Variants in ARHGAP35 observed in about 807,000 individuals in gnomAD.
ARHGAP35 encodes rho GTPase-activating protein 35.
In ARHGAP35, 15 loss-of-function variants were observed where a neutral mutation model predicts 111.1. That is an observed-to-expected ratio of 0.13 (90% confidence interval 0.09 to 0.21). The LOEUF is 0.21. ARHGAP35 is among the 10% of genes least tolerant of loss of function. ARHGAP35 has a pLI of 1.00. For missense variants in ARHGAP35, 1,262 were observed against 1,873.0 expected (o/e 0.67, Z 6.02); for synonymous variants, 643 against 710.3 (o/e 0.91, Z 1.51).
At chr19:46,975,910 A>G (rs2056577193) in intron 3 of ARHGAP35, among the ~76,000 whole-genome samples, 2 of 152,192 alleles carry the variant, frequency 1.3e-5, no homozygotes, top group Admixed American at 6.5e-5. Context: ...GCCTAGATCT[A>G]TGTAATTCTG....
intron 3 of ARHGAP35, among the ~76,000 whole-genome samples, chr19:46,966,182 A>G (rs1298426750): frequency 1.3e-5 from 2 of 152,178 alleles, no homozygotes; most frequent in East Asian, 1.9e-4. Context: ...CAAAATATTT[A>G]TACGATTTTT....
At position 47,000,434 on chromosome 19, in the gene ARHGAP35, A is replaced by T. The variant is rs2056739837; in HGVS notation, c.4246A>T (p.Thr1416Ser). 1 of 1,613,768 alleles carries T rather than the reference A, an allele frequency of 6.2e-7. No individual in the cohort carries two copies. The highest frequency in any genetic ancestry group is 8.5e-7 in the Non-Finnish European group (1 of 1,179,832). ...TGATTTCAGCACTATGGACGCCCTC[A>T]CAGCCACGCGCACCTACCAGACAAT... ...RPDFSTMDAL[T>S]ATRTYQTIIE... The change falls in exon 7 of 7, where the codon ACA (threonine) becomes TCA (serine). Residue 1416 changes from threonine to serine, a missense_variant. This residue lies in a region of ARHGAP35 where 23 missense variants were observed against 63.9 expected (regional missense o/e 0.36). Transcript: ENST00000672722. This position sits in a 1 kb window ranked among gnomAD's most constrained non-coding sequence, Gnocchi z 6.9.
In ARHGAP35 at chr19:46,919,809, G is replaced by A. The variant is rs958520837; in HGVS notation, c.1134G>A (p.Lys378=). 2 of 1,613,934 alleles carry A rather than the reference G, an allele frequency of 1.2e-6. No homozygotes were observed. The highest frequency in any genetic ancestry group is 2.7e-5 in the African/African-American group (2 of 74,940). Residue 378 remains lysine (K), a synonymous_variant, in exon 2 of 7, where the codon AAG becomes AAA. Transcript: ENST00000672722. This position sits in a 1 kb window ranked among gnomAD's most constrained non-coding sequence, Gnocchi z 6.2. ...TAGAAACCAAGCCAGAATTCTTGAA[G>A]TGGTTTGTTGTGCTTGAAGAGACCC... is the stretch of plus-strand genomic sequence containing the variant. ...KLLETKPEFL[K]WFVVLEETPW...
intron 3 of ARHGAP35, among the ~76,000 whole-genome samples, chr19:46,950,742 T>A (rs1205243001): frequency 1.3e-5 from 2 of 152,142 alleles, no homozygotes; most frequent in African/African-American, 4.8e-5. Flanking sequence ...TCGCTGTGGC[T>A]CTCTCTGTGG....
chr19:46,868,142 A>G (rs1244587817), intron 1 of ARHGAP35, among the ~76,000 whole-genome samples: 1 of 152,220 alleles, frequency 6.6e-6, no homozygotes, highest in East Asian at 1.9e-4. Context: ...TGCTGGGATT[A>G]CAGGTGTGAG....
intron 3 of ARHGAP35, among the ~76,000 whole-genome samples, chr19:46,939,293 A>G (rs1459099868): frequency 6.6e-6 from 1 of 150,604 alleles, no homozygotes; most frequent in Admixed American, 6.6e-5. Context: ...CATCTTTTTG[A>G]CACTCGTTTT....
intron 1 of ARHGAP35, among the ~76,000 whole-genome samples, chr19:46,877,980 T>C (rs1366202438): frequency 6.6e-6 from 1 of 152,112 alleles, no homozygotes; most frequent in Non-Finnish European, 1.5e-5. Flanking sequence ...AGTACTGGAA[T>C]TACAGGCATT....
At chr19:46,930,070 AC>A (rs1568470830) in intron 2 of ARHGAP35, among the ~76,000 whole-genome samples, 1 of 151,470 alleles carries the variant, frequency 6.6e-6, no homozygotes, top group Non-Finnish European at 1.5e-5. Context: ...GCTGGTGTTA[AC>A]TGTTTTTTAA....
intron 1 of ARHGAP35, among the ~76,000 whole-genome samples, chr19:46,896,044 G>T (rs2056054164): frequency 1.3e-5 from 2 of 152,092 alleles, no homozygotes; most frequent in African/African-American, 2.4e-5. Flanking sequence ...AGAGGTTTCA[G>T]TGAGCCAAGA....
chr19:46,899,166 G>A (rs2056071882), intron 1 of ARHGAP35, among the ~76,000 whole-genome samples: 1 of 152,150 alleles, frequency 6.6e-6, no homozygotes, highest in Non-Finnish European at 1.5e-5. Context: ...ACGGAGATGG[G>A]CAGAGAAGGC....
chr19:46,986,821 T>TTTTA lies in ARHGAP35; in HGVS notation c.3827-1148_3827-1145dup, dbSNP rs796813658. Among the ~76,000 whole-genome samples the TTTTA allele has an allele frequency of 7.2e-5, 11 of 152,204 alleles. No homozygotes were observed. The highest frequency in any genetic ancestry group is 1.2e-4 in the African/African-American group (5 of 41,446). On this transcript the variant is annotated intron_variant, in intron 3 of 6. Transcript: ENST00000672722. The surrounding 1 kb of genome is among the most constrained non-coding windows in gnomAD (Gnocchi z 4.3). The stretch of plus-strand genomic sequence containing the variant: ...TCAAAAAAACATACTTGTGAGTTAA[T>TTTTA]TTTATTTATTTATTTATTTATTTTC...
chr19:46,994,588 G>A lies in ARHGAP35; in HGVS notation c.4037-4716G>A, dbSNP rs541509269. On this transcript the variant is annotated intron_variant, in intron 5 of 6. Coordinates refer to ENST00000672722, the MANE Select transcript of ARHGAP35 (RefSeq NM_004491.5). This position sits in a 1 kb window ranked among gnomAD's most constrained non-coding sequence, Gnocchi z 5.4. ...CAGCCAGAGGCGCCGTGAACTCGCC[G>A]GGGATGAGGATGGTGGTCAGGAGGG... Among the ~76,000 whole-genome samples, 11 of 152,258 alleles carry A rather than the reference G, an allele frequency of 7.2e-5. No individual in the cohort carries two copies. In the South Asian group the frequency reaches 8.3e-4, roughly 11 times the overall value.
intron 2 of ARHGAP35, among the ~76,000 whole-genome samples, chr19:46,930,355 G>A (rs1003985592): frequency 6.6e-6 from 1 of 150,598 alleles, no homozygotes; most frequent in Admixed American, 6.7e-5. Flanking sequence ...GTGAGACGCT[G>A]TCTCAAAAAA....
intron 1 of ARHGAP35, among the ~76,000 whole-genome samples, chr19:46,884,516 T>TCC (rs1491307775): frequency 9.0e-5 from 13 of 144,894 alleles, no homozygotes; most frequent in Non-Finnish European, 1.5e-4. Context: ...TTTTTTTTTT[T>TCC]CCCCTTTTGA....
chr19:46,864,662 C>T (rs2055845991), intron 1 of ARHGAP35, among the ~76,000 whole-genome samples: 1 of 152,170 alleles, frequency 6.6e-6, no homozygotes, highest in African/African-American at 2.4e-5. Flanking sequence ...TGTATGGTCC[C>T]TTGAACTTTT....
chr19:46,970,491 A>C (rs1181082353), intron 3 of ARHGAP35, among the ~76,000 whole-genome samples: 1 of 152,122 alleles, frequency 6.6e-6, no homozygotes, highest in East Asian at 1.9e-4. Context: ...GAACTCCTCA[A>C]CATTACTGCG....
chr19:46,866,140 C>T (rs1250859579), intron 1 of ARHGAP35, among the ~76,000 whole-genome samples: 1 of 152,176 alleles, frequency 6.6e-6, no homozygotes, highest in Non-Finnish European at 1.5e-5. Flanking sequence ...TGCGCCTGGC[C>T]TGTTTTTCCC....
At chr19:46,979,113 T>G (rs138264518) in intron 3 of ARHGAP35, among the ~76,000 whole-genome samples, 116 of 151,398 alleles carry the variant, frequency 7.7e-4, no homozygotes, top group Non-Finnish European at 1.2e-3. Flanking sequence ...GGGGGGTGTG[T>G]ATGTGGTGGA....
Position 46,992,569 on chromosome 19 carries a change from G to T in ARHGAP35, c.4036+2894G>T, listed in dbSNP as rs945649930. 6.6e-6 allele frequency among the ~76,000 whole-genome samples: 1 copy of T among 151,580 alleles called. No homozygotes were observed. Among genetic ancestry groups the T allele is most frequent in the Non-Finnish European group, 1.5e-5 (1 of 67,906 alleles). On this transcript the variant is annotated intron_variant, in intron 5 of 6. Transcript: ENST00000672722. The surrounding 1 kb of genome is among the most constrained non-coding windows in gnomAD (Gnocchi z 4.4). The stretch of plus-strand genomic sequence containing the variant: ...CCCTCCTCCCTGCCTATCTGGAGTC[G>T]ACCCCGTCCAGCTGGTGTCCACAGG...
Sources: allele counts gnomAD v4.1 joint callset (sites outside exome capture counted in the v4.1 genomes callset), GRCh38; gene constraint gnomAD v4.1.1; regional missense constraint gnomAD v4.1.1; non-coding constraint Gnocchi (gnomAD v3.1); transcripts MANE v1.5; gene names NCBI Gene and HGNC (gene_info 2026-07-23, HGNC 2026-07-21).